PKHD1: variants seen among roughly 807,000 people sequenced by gnomAD.
PKHD1 encodes fibrocystin.
A neutral mutation model predicts 412.0 loss-of-function variants in PKHD1; 291 were observed. The ratio of observed to expected loss-of-function variants is 0.71; its 90% CI spans 0.64 to 0.78. The LOEUF is 0.78. PKHD1 is among the 30% of genes least tolerant of loss of function. The probability of loss-of-function intolerance (pLI) is 0.00; values close to 1 mark genes in which losing one functional copy is unlikely to be tolerated. For synonymous variants in PKHD1, 1,777 were observed against 1,821.5 expected, an observed-to-expected ratio of 0.98 and a Z score of 0.62; for missense variants, 4,825 against 4,950.7, an observed-to-expected ratio of 0.97 and a Z score of 0.76.
intron 24 of PKHD1, among the ~76,000 whole-genome samples, chr6:52,045,314 A>C (rs896835270): frequency 6.6e-6 from 1 of 152,236 alleles, no homozygotes; most frequent in Non-Finnish European, 1.5e-5. Context: ...TTGCCAAAAG[A>C]GGTACAATAA....
intron 37 of PKHD1, among the ~76,000 whole-genome samples, chr6:51,914,862 A>G (rs544445115): frequency 3.2e-4 from 49 of 151,982 alleles, no homozygotes; most frequent in African/African-American, 1.2e-3. Flanking sequence ...CTTTCTCTTC[A>G]TCTATCCTTT....
intron 36 of PKHD1, among the ~76,000 whole-genome samples, chr6:51,937,797 C>G (rs1297438488): frequency 2.0e-5 from 3 of 152,096 alleles, no homozygotes; most frequent in African/African-American, 7.2e-5. Flanking sequence ...TTATAGATCC[C>G]TGGTCTGGAG....
intron 52 of PKHD1, among the ~76,000 whole-genome samples, chr6:51,793,822 T>C (rs1794135730): frequency 6.6e-6 from 1 of 152,210 alleles, no homozygotes; most frequent in African/African-American, 2.4e-5. Context: ...TGAATAGTGC[T>C]GCAATGAACG....
At chr6:51,620,979 G>A (rs1289327035) in intron 66 of PKHD1, among the ~76,000 whole-genome samples, 1 of 151,848 alleles carries the variant, frequency 6.6e-6, no homozygotes, top group East Asian at 1.9e-4. Flanking sequence ...TCAAACTATG[G>A]GATGATTCTC....
intron 36 of PKHD1, among the ~76,000 whole-genome samples, chr6:51,959,235 T>G (rs1020155773): frequency 6.6e-6 from 1 of 152,136 alleles, no homozygotes. Flanking sequence ...TAACTATTCC[T>G]TATTTCCAGC....
chr6:51,615,434 T>C lies in PKHD1; in HGVS notation c.*3647A>G, dbSNP rs1765985288. ...CAAATATATCTGTAATTAGTCAAAG[T>C]GCTATAGTGTATGTTGAAATCAACA... On this transcript the variant is annotated 3_prime_UTR_variant, in exon 67 of 67. Coordinates refer to ENST00000371117, the MANE Select transcript of PKHD1 (RefSeq NM_138694.4). The C allele has an allele frequency of 1.3e-5, 2 of 152,208 alleles. No homozygotes were observed. The highest frequency in any genetic ancestry group is 4.8e-5 in the African/African-American group (2 of 41,454). The allele number at this position is 152,208 out of a possible 1,614,324, so 9.4% of individuals were successfully genotyped here.
intron 60 of PKHD1, among the ~76,000 whole-genome samples, chr6:51,733,605 G>C (rs1783491296): frequency 6.6e-6 from 1 of 151,360 alleles, no homozygotes; most frequent in South Asian, 2.1e-4. Context: ...AAAAACATAA[G>C]CCAGTCTAAA....
At chr6:51,841,271 T>C (rs756152756) in intron 50 of PKHD1, among the ~76,000 whole-genome samples, 5 of 152,236 alleles carry the variant, frequency 3.3e-5, no homozygotes, top group Non-Finnish European at 5.9e-5. Flanking sequence ...GCACCACCTA[T>C]GACCTGTGTG....
intron 53 of PKHD1, among the ~76,000 whole-genome samples, chr6:51,778,592 G>T (rs1337110882): frequency 6.6e-6 from 1 of 152,068 alleles, no homozygotes; most frequent in Non-Finnish European, 1.5e-5. Context: ...GGGAAACAAT[G>T]TGTTCCAGAT....
rs148577463 is a variant in PKHD1, at chr6:52,064,057, A to T, written c.976+898T>A. Among the ~76,000 whole-genome samples the T allele has an allele frequency of 2.8e-4, 43 of 152,370 alleles. 1 individual carries two copies. The East Asian group carries it at 6.9e-3, about 25-fold the overall frequency. The stretch of plus-strand genomic sequence containing the variant: ...AGCTTTCCCTGAGTAAAAACTGCAG[A>T]TCTGGGAGCTGGAGAATTCTCAAGC... On this transcript the variant is annotated intron_variant, in intron 13 of 66. Transcript: ENST00000371117.
chr6:52,027,159 G>A (rs1802317233), intron 31 of PKHD1, among the ~76,000 whole-genome samples: 1 of 152,126 alleles, frequency 6.6e-6, no homozygotes, highest in African/African-American at 2.4e-5. Flanking sequence ...GCGAATGCAG[G>A]ACATGTTGCC....
chr6:52,022,935 C>G lies in PKHD1; in HGVS notation c.5246G>C (p.Gly1749Ala). 2 of 1,614,134 alleles carry G rather than the reference C, an allele frequency of 1.2e-6. No individual in the cohort carries two copies. Among genetic ancestry groups the G allele is most frequent in the Non-Finnish European group, 1.7e-6 (2 of 1,180,040 alleles). Residue 1749 changes from glycine (G) to alanine (A), a missense_variant, in exon 33 of 67, where the codon GGT (glycine) becomes GCT (alanine). Physicochemically the swap from Gly to Ala is moderately conservative, Grantham distance 60. Transcript: ENST00000371117. Reference sequence around the variant, plus strand: ...TCCAAACACATGCACCAGCCTTCCACCCAGGCAGCCTTTAAAGACAAAGGT... The same window carrying G: ...TCCAAACACATGCACCAGCCTTCCAGCCAGGCAGCCTTTAAAGACAAAGGT... ...TAVTENFGCL[G>A]GRLVHVFGAG... is the part of the protein sequence containing the mutation.
intron 52 of PKHD1, among the ~76,000 whole-genome samples, chr6:51,822,061 T>G (rs1487272026): frequency 1.3e-5 from 2 of 152,146 alleles, no homozygotes; most frequent in African/African-American, 4.8e-5. Flanking sequence ...CATTAACCAG[T>G]TTGGTGGGAC....
At chr6:51,870,888 G>T (rs1033807229) in intron 46 of PKHD1, among the ~76,000 whole-genome samples, 7 of 149,920 alleles carry the variant, frequency 4.7e-5, no homozygotes, top group Admixed American at 1.3e-4. Context: ...AGATAACCCA[G>T]AAAAGAAAAT....
chr6:52,029,003 G>A (rs1802644514), intron 29 of PKHD1, among the ~76,000 whole-genome samples: 1 of 152,192 alleles, frequency 6.6e-6, no homozygotes, highest in Admixed American at 6.5e-5. Context: ...CTTTTCTACT[G>A]GTAGAAGTCT....
chr6:51,678,206 A>G lies in PKHD1; in HGVS notation c.10157-18237T>C, dbSNP rs537424921. Among the ~76,000 whole-genome samples the G allele has an allele frequency of 1.9e-3, 283 of 152,292 alleles. No individual in the cohort carries two copies. The Middle Eastern group carries it at 0.027, about 15-fold the overall frequency. ...GCTGGCTCTGCCACTTTCTAGCTGC[A>G]AAACACAGACAAGTTACTTATCCTC... is the stretch of plus-strand genomic sequence containing the variant. On this transcript the variant is annotated intron_variant, in intron 60 of 66. Coordinates refer to ENST00000371117, the MANE Select transcript of PKHD1 (RefSeq NM_138694.4).
chr6:52,058,213 C>G, intron 16 of PKHD1, 110 bp downstream of exon 16: 1 of 962,422 alleles, frequency 1.0e-6, no homozygotes, highest in East Asian at 2.4e-5. Flanking sequence ...TCTTTGACAG[C>G]AAGGTTATAA....
intron 27 of PKHD1, among the ~76,000 whole-genome samples, chr6:52,040,406 G>A (rs1386125652): frequency 2.0e-5 from 3 of 152,212 alleles, no homozygotes; most frequent in Non-Finnish European, 4.4e-5. Flanking sequence ...AACCGGTCTT[G>A]CTGGTTCCAT....
chr6:51,717,290 T>C (rs762380164), intron 60 of PKHD1, among the ~76,000 whole-genome samples: 12 of 152,098 alleles, frequency 7.9e-5, no homozygotes, highest in Non-Finnish European at 1.6e-4. Flanking sequence ...TGTGTGCCTG[T>C]AATCCCAGCT....
Sources: gnomAD v4.1 joint callset for allele counts (sites outside exome capture counted in the v4.1 genomes callset) on GRCh38, gnomAD v4.1.1 for gene constraint, MANE v1.5 for transcripts, NCBI Gene and HGNC (gene_info 2026-07-23, HGNC 2026-07-21) for gene names.